Variants in TATDN3 observed in about 807,000 individuals in gnomAD.
TATDN3 encodes the protein deoxyribonuclease TATDN3.
In TATDN3, 29 loss-of-function variants were observed where a neutral mutation model predicts 40.1. That is an observed-to-expected ratio of 0.72 (90% CI 0.54 to 0.99). The LOEUF (loss-of-function observed/expected upper bound fraction) is 0.99. Ranked by LOEUF, TATDN3 falls within the 50% of genes least tolerant of loss-of-function variation. The pLI, the probability that TATDN3 is intolerant of heterozygous loss-of-function variation, is 0.00. For synonymous variants in TATDN3, 105 were observed against 117.0 expected (o/e 0.90, Z 0.66); for missense variants, 309 against 321.9 (o/e 0.96, Z 0.31).
At position 212,796,498 on chromosome 1, in the gene TATDN3, T is replaced by C. The variant is rs1446983319; in HGVS notation, c.100-19T>C. On this transcript the variant is annotated intron_variant, in intron 2 of 9. Transcript: ENST00000366974. ...TAAATGTATATTGTTTGTAACTTTA[T>C]TCTTTTTTTTTTTTTCAGGCCAATG... 1.4e-6 allele frequency: 2 copies of C among 1,464,786 alleles called. No individual in the cohort carries two copies. Among genetic ancestry groups the C allele is most frequent in the Non-Finnish European group, 1.8e-6 (2 of 1,106,266 alleles). The allele number at this position is 1,464,786 out of a possible 1,614,324, so 90.7% of individuals were successfully genotyped here.
At chr1:212,796,619 G>A in intron 3 of TATDN3, 29 bp downstream of exon 3, 1 of 1,472,978 alleles carries the variant, frequency 6.8e-7, no homozygotes. Flanking sequence ...ATTTTAAAGG[G>A]TTGCTAATAA....
At chr1:212,803,454 G>C (rs1485913330) in intron 5 of TATDN3, among the ~76,000 whole-genome samples, 1 of 152,062 alleles carries the variant, frequency 6.6e-6, no homozygotes, top group African/African-American at 2.4e-5. Flanking sequence ...AAAGTGCTGG[G>C]ATTACAGGCT....
At chr1:212,792,301 A>G (rs1661361711) in intron 1 of TATDN3, among the ~76,000 whole-genome samples, 1 of 151,890 alleles carries the variant, frequency 6.6e-6, no homozygotes, top group Admixed American at 6.6e-5. Context: ...CCTGGCTGAG[A>G]TGCCACTCTT....
chr1:212,810,641 C>G (rs941597244), intron 8 of TATDN3, among the ~76,000 whole-genome samples: 13 of 151,502 alleles, frequency 8.6e-5, no homozygotes, highest in African/African-American at 2.9e-4. Flanking sequence ...GAGCCGAGTA[C>G]GTGCCACTCC....
At chr1:212,794,397 C>T (rs1661590426) in intron 1 of TATDN3, among the ~76,000 whole-genome samples, 1 of 152,066 alleles carries the variant, frequency 6.6e-6, no homozygotes, top group Non-Finnish European at 1.5e-5. Context: ...TAAAGACCAG[C>T]TTGGCCAACA....
intron 8 of TATDN3, 53 bp from the exon 9 acceptor site, chr1:212,812,195 C>T (rs1011614238): frequency 2.6e-6 from 3 of 1,163,192 alleles, no homozygotes; most frequent in Non-Finnish European, 3.7e-6. Context: ...ATTTAATGCT[C>T]TTTATCTTTA....
intron 1 of TATDN3, 188 bp from the exon 2 acceptor site, chr1:212,794,907 C>A (rs1661637569): frequency 1.5e-6 from 1 of 657,876 alleles, no homozygotes. Flanking sequence ...GTGCTGGGAA[C>A]AGTAGCCAGA....
rs796710955 is a variant in TATDN3 at position 212,806,783 on chromosome 1, T to TATATACACAC, written c.488-952_488-951insTATACACACA. Among the ~76,000 whole-genome samples, 7 of 79,518 alleles carry TATATACACAC rather than the reference T, an allele frequency of 8.8e-5. 1 individual carries two copies. Among genetic ancestry groups the TATATACACAC allele is most frequent in the East Asian group, 4.5e-4 (1 of 2,218 alleles). 52.2% of individuals were successfully genotyped at this position (79,518 alleles called of 152,430 possible). ...ATATATATATATATATATATATATA[T>TATATACACAC]ACACACACACACACACATATATACA... On this transcript the variant is annotated intron_variant, in intron 7 of 9. Coordinates refer to ENST00000366974, the MANE Select transcript of TATDN3 (RefSeq NM_001042552.3).
chr1:212,794,273 T>C (rs1221106629), intron 1 of TATDN3, among the ~76,000 whole-genome samples: 3 of 137,696 alleles, frequency 2.2e-5, no homozygotes, highest in Non-Finnish European at 1.5e-5. Context: ...AGAGCGAGAC[T>C]CCATCTCAAA....
At chr1:212,797,395 A>G (rs781152931) in intron 4 of TATDN3, 199 bp downstream of exon 4, 7 of 548,570 alleles carry the variant, frequency 1.3e-5, no homozygotes, top group Non-Finnish European at 2.0e-5. Flanking sequence ...TTCAGAAACA[A>G]AGGAATCATT....
rs543433707 is a variant in TATDN3 at position 212,810,988 on chromosome 1, G to C, written c.601-1260G>C. Among the ~76,000 whole-genome samples the C allele has an allele frequency of 2.0e-5, 3 of 152,102 alleles. No individual in the cohort carries two copies. The East Asian group carries it at 5.8e-4, about 29-fold the overall frequency. On this transcript the variant is annotated intron_variant, in intron 8 of 9. Transcript: ENST00000366974. ...AACATCCAGTTAGCATTTATCAATT[G>C]AATTGTTTTTTTGAAGCAGAGTCTC... is the stretch of plus-strand genomic sequence containing the variant.
intron 2 of TATDN3, among the ~76,000 whole-genome samples, chr1:212,795,563 G>A (rs905603609): frequency 7.2e-5 from 11 of 151,824 alleles, no homozygotes; most frequent in African/African-American, 2.2e-4. Flanking sequence ...GACCCACTAC[G>A]ACCAGCCAAT....
intron 9 of TATDN3, among the ~76,000 whole-genome samples, chr1:212,813,072 T>G (rs545100199): frequency 5.0e-4 from 76 of 152,318 alleles, no homozygotes; most frequent in Admixed American, 8.5e-4. Flanking sequence ...TAACTAGCAG[T>G]ATCTGGTATA....
chr1:212,802,327 A>G (rs1189627891), intron 4 of TATDN3, among the ~76,000 whole-genome samples: 1 of 152,212 alleles, frequency 6.6e-6, no homozygotes, highest in Non-Finnish European at 1.5e-5. Flanking sequence ...GAACACAACA[A>G]TGCAATCGCA....
Position 212,812,266 on chromosome 1 carries a change from C to G in TATDN3, c.619C>G (p.Gln207Glu). Residue 207 changes from glutamine (Q) to glutamate (E), a missense_variant, in exon 9 of 10, where the codon CAA (glutamine) becomes GAA (glutamate). Physicochemically the swap from Gln to Glu is conservative, Grantham distance 29. Transcript: ENST00000366974. ...RSGQKQKLVK[Q>E]LPLTSICLET... ...CTCTAAGAAGCAGAAACTTGTGAAA[C>G]AATTGCCTTTAACTTCTATATGCTT... The G allele has an allele frequency of 6.3e-7, 1 of 1,578,760 alleles. No homozygotes were observed. The highest frequency in any genetic ancestry group is 8.6e-7 in the Non-Finnish European group (1 of 1,169,196).
intron 8 of TATDN3, among the ~76,000 whole-genome samples, chr1:212,811,108 G>A (rs115951155): frequency 0.068 from 10,368 of 151,868 alleles, 367 homozygotes; most frequent in African/African-American, 0.088. Flanking sequence ...TCAGCCTTCC[G>A]AGTACCTGGG....
At chr1:212,792,860 C>T (rs1347939600) in intron 1 of TATDN3, 1 of 151,878 alleles carries the variant, frequency 6.6e-6, no homozygotes, top group East Asian at 1.9e-4. Flanking sequence ...AACTGTTTTA[C>T]CCATTACGTG....
At chr1:212,801,749 AT>A (rs1478346073) in intron 4 of TATDN3, among the ~76,000 whole-genome samples, 1 of 152,210 alleles carries the variant, frequency 6.6e-6, no homozygotes, top group African/African-American at 2.4e-5. Flanking sequence ...CTAGGGTCAT[AT>A]ACCCATCATT....
chr1:212,811,962 A>T (rs551516390), intron 8 of TATDN3, among the ~76,000 whole-genome samples: 12 of 152,068 alleles, frequency 7.9e-5, no homozygotes, highest in Admixed American at 3.3e-4. Flanking sequence ...CGGCCTCCCA[A>T]AGTGCTGGGA....
Sources: gnomAD v4.1 joint callset for allele counts (sites outside exome capture counted in the v4.1 genomes callset) on GRCh38, gnomAD v4.1.1 for gene constraint, MANE v1.5 for transcripts, NCBI Gene and HGNC (gene_info 2026-07-23, HGNC 2026-07-21) for gene names.